Variants in TMEM232 observed in about 807,000 individuals in gnomAD.
The protein encoded by TMEM232 is transmembrane protein 232.
TMEM232 carries 80 observed loss-of-function variants against 78.8 expected under a neutral mutation model. The observed-to-expected ratio is 1.01, with a 90% CI of 0.85 to 1.22. The LOEUF is 1.22. TMEM232 is among the 50% of genes most tolerant of loss of function. The probability of loss-of-function intolerance (pLI) is 0.00; values close to 1 mark genes in which losing one functional copy is unlikely to be tolerated. For missense variants in TMEM232, 881 were observed against 742.2 expected (o/e 1.19, Z -2.17); for synonymous variants, 297 against 254.3 (o/e 1.17, Z -1.60).
intron 1 of TMEM232, among the ~76,000 whole-genome samples, chr5:110,697,251 A>G (rs1246733458): frequency 6.6e-6 from 1 of 152,326 alleles, no homozygotes; most frequent in Non-Finnish European, 1.5e-5. Context: ...CCACACATAG[A>G]AAGATGAAAC....
At chr5:110,499,229 T>C (rs1341271424) in intron 12 of TMEM232, among the ~76,000 whole-genome samples, 1 of 152,088 alleles carries the variant, frequency 6.6e-6, no homozygotes, top group Non-Finnish European at 1.5e-5. Context: ...AATTTTACAT[T>C]AAGGATTCCA....
chr5:110,629,036 T>C (rs1784787636), intron 5 of TMEM232: 1 of 151,954 alleles, frequency 6.6e-6, no homozygotes, highest in Non-Finnish European at 1.5e-5. Context: ...AAAAATAACA[T>C]GTTTATAAGG....
chr5:110,557,074 A>G (rs1012022666), intron 11 of TMEM232, among the ~76,000 whole-genome samples: 1 of 151,686 alleles, frequency 6.6e-6, no homozygotes, highest in Admixed American at 6.6e-5. Context: ...CATTCTTTGT[A>G]TTCTCTTTTA....
At chr5:110,388,283 G>A (rs1190241255) in intron 4 of TMEM232, among the ~76,000 whole-genome samples, 130 of 152,190 alleles carry the variant, frequency 8.5e-4, no homozygotes, top group Non-Finnish European at 1.2e-3. Context: ...CTTTCCACTT[G>A]GCCAGCACCA....
intron 11 of TMEM232, among the ~76,000 whole-genome samples, chr5:110,547,852 G>T (rs1773965817): frequency 1.3e-5 from 2 of 151,850 alleles, no homozygotes; most frequent in South Asian, 2.1e-4. Context: ...ACAAAAATTA[G>T]CCAGGCATGG....
At chr5:110,397,372 G>A (rs986752066) in intron 3 of TMEM232, among the ~76,000 whole-genome samples, 4 of 152,128 alleles carry the variant, frequency 2.6e-5, no homozygotes, top group Non-Finnish European at 5.9e-5. Flanking sequence ...AGAGAATGAA[G>A]GAAACTGTAT....
intron 11 of TMEM232, among the ~76,000 whole-genome samples, chr5:110,564,115 C>A (rs904760977): frequency 2.0e-5 from 3 of 151,902 alleles, no homozygotes; most frequent in Non-Finnish European, 4.4e-5. Flanking sequence ...GCCCTTCCTA[C>A]CTATTAACAT....
chr5:110,679,045 T>C (rs1296772589), intron 1 of TMEM232, among the ~76,000 whole-genome samples: 1 of 152,184 alleles, frequency 6.6e-6, no homozygotes. Context: ...AGCAGCATGA[T>C]TGCTGTACCT....
intron 1 of TMEM232, chr5:110,684,757 A>C (rs1580655654): frequency 1.3e-5 from 2 of 152,258 alleles, no homozygotes; most frequent in South Asian, 4.1e-4. Context: ...CATTTTTCCC[A>C]AACACACAAG....
At chr5:110,588,522 T>A (rs889310509) in intron 10 of TMEM232, among the ~76,000 whole-genome samples, 1 of 152,126 alleles carries the variant, frequency 6.6e-6, no homozygotes, top group Admixed American at 6.6e-5. Flanking sequence ...AGCAAAGAGA[T>A]GAGAGATGAC....
At chr5:110,449,358 G>T (rs1337310090) in intron 12 of TMEM232, among the ~76,000 whole-genome samples, 1 of 151,844 alleles carries the variant, frequency 6.6e-6, no homozygotes, top group African/African-American at 2.4e-5. Context: ...TACCCATAAC[G>T]ATTCGGAAAG....
chr5:110,519,816 G>C (rs999961910), intron 12 of TMEM232, among the ~76,000 whole-genome samples: 2 of 150,716 alleles, frequency 1.3e-5, no homozygotes, highest in African/African-American at 4.9e-5. Flanking sequence ...CCTGTCATTT[G>C]CAACAACATG....
intron 2 of TMEM232, among the ~76,000 whole-genome samples, chr5:110,651,811 C>T (rs796925186): frequency 5.9e-5 from 9 of 152,070 alleles, no homozygotes; most frequent in African/African-American, 2.2e-4. Flanking sequence ...AACTGTGCTT[C>T]AGGTCGCATA....
At chr5:110,609,395 T>C (rs559947101) in intron 8 of TMEM232, among the ~76,000 whole-genome samples, 25 of 152,236 alleles carry the variant, frequency 1.6e-4, no homozygotes, top group African/African-American at 6.0e-4. Context: ...AAAACTTTTT[T>C]TAAAAATAAT....
chr5:110,605,326 C>A lies in TMEM232; in HGVS notation c.1059G>T (p.Trp353Cys), dbSNP rs557691799. The change falls in exon 10 of 14, where the codon TGG (tryptophan) becomes TGT (cysteine). Residue 353 changes from tryptophan (W) to cysteine (C), a missense_variant. Coordinates refer to ENST00000455884, the MANE Select transcript of TMEM232 (RefSeq NM_001039763.4). ...EESCKVDDFSWAWNVVYIYTV... is the reference protein window; with the variant it reads ...EESCKVDDFSCAWNVVYIYTV... Reference sequence around the variant, plus strand: ...TATATATGTAGACTACATTCCAGGCCCAGGAAAAATCATCTACCTTGCAAC... The same window carrying A: ...TATATATGTAGACTACATTCCAGGCACAGGAAAAATCATCTACCTTGCAAC... 3 of 1,545,116 alleles carry A rather than the reference C, an allele frequency of 1.9e-6. No individual in the cohort carries two copies. Among genetic ancestry groups the A allele is most frequent in the African/African-American group, 2.7e-5 (2 of 72,816 alleles).
chr5:110,589,084 T>C (rs115817937), intron 10 of TMEM232, among the ~76,000 whole-genome samples: 2,966 of 152,210 alleles, frequency 0.019, 91 homozygotes, highest in African/African-American at 0.068. Flanking sequence ...ATTTGAAAGA[T>C]AGAACACAAA....
At chr5:110,470,773 A>G (rs1360106453) in intron 12 of TMEM232, among the ~76,000 whole-genome samples, 1 of 152,230 alleles carries the variant, frequency 6.6e-6, no homozygotes, top group African/African-American at 2.4e-5. Context: ...AAAGTTTAGA[A>G]GTGGTGATTG....
At chr5:110,456,010 C>A (rs150215217) in intron 12 of TMEM232, among the ~76,000 whole-genome samples, 5 of 152,154 alleles carry the variant, frequency 3.3e-5, no homozygotes, top group Non-Finnish European at 2.9e-5. Context: ...ATGATGAAAG[C>A]AGAATGCTTT....
chr5:110,450,632 C>A (rs1159033711), intron 12 of TMEM232, among the ~76,000 whole-genome samples: 3 of 152,110 alleles, frequency 2.0e-5, no homozygotes, highest in Non-Finnish European at 4.4e-5. Flanking sequence ...AGGTGTCAGG[C>A]AGATTCTAAT....
Sources: allele counts gnomAD v4.1 joint callset (sites outside exome capture counted in the v4.1 genomes callset), GRCh38; gene constraint gnomAD v4.1.1; transcripts MANE v1.5; gene names NCBI Gene and HGNC (gene_info 2026-07-23, HGNC 2026-07-21).